MAP3K13: variants seen among roughly 807,000 people sequenced by gnomAD.
MAP3K13 encodes the protein leucine zipper-bearing kinase.
In MAP3K13, 52 loss-of-function variants were observed where a neutral mutation model predicts 104.0. The observed-to-expected ratio is 0.50, with a 90% CI of 0.40 to 0.63. MAP3K13 has a LOEUF of 0.63. MAP3K13 is among the 20% of genes least tolerant of loss of function. The probability of loss-of-function intolerance (pLI) is 0.00; values close to 1 mark genes in which losing one functional copy is unlikely to be tolerated. For synonymous variants in MAP3K13, 394 were observed against 442.2 expected (o/e 0.89, Z 1.37); for missense variants, 914 against 1,218.5 (o/e 0.75, Z 3.72).
rs866459435 is a variant in MAP3K13 at position 185,465,686 on chromosome 3, C to A, written c.1389-61C>A. On this transcript the variant is annotated intron_variant, in intron 8 of 13. Coordinates refer to ENST00000265026, the MANE Select transcript of MAP3K13 (RefSeq NM_004721.5). ...TCAATCATCCTGTTTCTTATTTCAT[C>A]AAGCGGACTTTTTTCTCCCGAAGTT... The A allele has an allele frequency of 8.1e-6, 9 of 1,104,476 alleles. No individual in the cohort carries two copies. The Middle Eastern group carries it at 1.4e-3, about 172-fold the overall frequency. The allele number at this position is 1,104,476 out of a possible 1,614,324, so 68.4% of individuals were successfully genotyped here.
intron 1 of MAP3K13, among the ~76,000 whole-genome samples, chr3:185,407,644 GT>G (rs1476059479): frequency 6.6e-6 from 1 of 152,068 alleles, no homozygotes; most frequent in Non-Finnish European, 1.5e-5. Context: ...TTCAGAGTGC[GT>G]TTTGCCAATT....
Position 185,418,378 on chromosome 3 carries a change from G to A in MAP3K13, c.-85-10119G>A. On this transcript the variant is annotated intron_variant, in intron 1 of 13. Coordinates refer to ENST00000265026, the MANE Select transcript of MAP3K13 (RefSeq NM_004721.5). The surrounding 1 kb of genome is among the most constrained non-coding windows in gnomAD (Gnocchi z 4.5). ...ATGACCTTTAGACATGACCAGTGCT[G>A]GTAGGGCTGAGGCAGCCAGGGCAGA... 2 of 1,603,582 alleles carry A rather than the reference G, an allele frequency of 1.2e-6. No individual in the cohort carries two copies. Among genetic ancestry groups the A allele is most frequent in the Non-Finnish European group, 8.5e-7 (1 of 1,172,220 alleles).
At chr3:185,402,120 AT>A (rs1411049800) in intron 1 of MAP3K13, among the ~76,000 whole-genome samples, 1 of 152,140 alleles carries the variant, frequency 6.6e-6, no homozygotes, top group Admixed American at 6.5e-5. Context: ...CTTTTCTGGC[AT>A]TTGGGGAATC....
intron 11 of MAP3K13, among the ~76,000 whole-genome samples, chr3:185,474,268 C>T (rs1717980409): frequency 6.6e-6 from 1 of 151,366 alleles, no homozygotes; most frequent in African/African-American, 2.4e-5. Flanking sequence ...GGAGGTTGCA[C>T]TGAGCCGAGA....
At chr3:185,454,813 T>TATATATATGAGATATATACATG (rs1716279463) in intron 7 of MAP3K13, among the ~76,000 whole-genome samples, 1 of 57,500 alleles carries the variant, frequency 1.7e-5, no homozygotes, top group Non-Finnish European at 3.4e-5. Context: ...ATATACATGA[T>TATATATATGAGATATATACATG]ATATATATGA....
chr3:185,286,737 C>G (rs550973770), intron 2 of MAP3K13, among the ~76,000 whole-genome samples: 1 of 152,234 alleles, frequency 6.6e-6, no homozygotes, highest in African/African-American at 2.4e-5. Flanking sequence ...ACATACAAAA[C>G]TTCTTCAAAC....
intron 2 of MAP3K13, among the ~76,000 whole-genome samples, chr3:185,311,943 G>A (rs1374593301): frequency 6.6e-6 from 1 of 152,178 alleles, no homozygotes; most frequent in African/African-American, 2.4e-5. Context: ...AGGGCTTCAC[G>A]TATCAACATA....
intron 1 of MAP3K13, among the ~76,000 whole-genome samples, chr3:185,378,315 C>G (rs1192321356): frequency 2.6e-5 from 4 of 152,120 alleles, no homozygotes; most frequent in Non-Finnish European, 5.9e-5. Flanking sequence ...TATAAAGCAT[C>G]TCAGGGTTGC....
At chr3:185,438,098 G>A (rs1233565558) in intron 3 of MAP3K13, among the ~76,000 whole-genome samples, 1 of 152,102 alleles carries the variant, frequency 6.6e-6, no homozygotes, top group Admixed American at 6.6e-5. Flanking sequence ...TTTGAGACCA[G>A]CCTGGGCAAT....
At chr3:185,312,055 T>A (rs951281481) in intron 2 of MAP3K13, among the ~76,000 whole-genome samples, 1 of 152,236 alleles carries the variant, frequency 6.6e-6, no homozygotes. Flanking sequence ...AGCCACTGTG[T>A]CTTTGGTATC....
At position 185,464,115 on chromosome 3, in the gene MAP3K13, C is replaced by T. The variant is rs949111275; in HGVS notation, c.1388+456C>T. On this transcript the variant is annotated intron_variant, in intron 8 of 13. Transcript: ENST00000265026. The stretch of plus-strand genomic sequence containing the variant: ...CCCGCCCAGCATGGCAAAACCCCAT[C>T]TCTACTAAAAATACAAAAAATTAGC... Among the ~76,000 whole-genome samples, 5 of 152,262 alleles carry T rather than the reference C, an allele frequency of 3.3e-5. No individual in the cohort carries two copies. In the South Asian group the frequency reaches 6.2e-4, roughly 19 times the overall value.
chr3:185,390,702 T>C (rs4687294), intron 1 of MAP3K13, among the ~76,000 whole-genome samples: 36,206 of 149,938 alleles, frequency 0.24, 4,891 homozygotes, highest in African/African-American at 0.37. Context: ...CAGCTCACTG[T>C]AACCTCTGCC....
chr3:185,290,125 GT>G (rs899997438), intron 2 of MAP3K13, among the ~76,000 whole-genome samples: 19 of 151,248 alleles, frequency 1.3e-4, no homozygotes, highest in African/African-American at 4.1e-4. Context: ...CTTGAATAAC[GT>G]TTTTTTTGGC....
intron 2 of MAP3K13, among the ~76,000 whole-genome samples, chr3:185,329,722 A>G (rs1722175178): frequency 6.6e-6 from 1 of 152,210 alleles, no homozygotes. Flanking sequence ...ACACATTGTT[A>G]CACAAACATA....
intron 1 of MAP3K13, among the ~76,000 whole-genome samples, chr3:185,371,736 C>A (rs1724172698): frequency 6.6e-6 from 1 of 152,154 alleles, no homozygotes; most frequent in Non-Finnish European, 1.5e-5. Context: ...GCCAGGACAG[C>A]CGTTTCCACC....
At position 185,487,107 on chromosome 3, in the gene MAP3K13, C is replaced by T. The variant is rs1718750693; in HGVS notation, c.*4651C>T. The T allele has an allele frequency of 6.6e-6, 1 of 152,124 alleles. No homozygotes were observed. 9.4% of individuals were successfully genotyped at this position (152,124 alleles called of 1,614,324 possible). On this transcript the variant is annotated 3_prime_UTR_variant, in exon 14 of 14. Coordinates refer to ENST00000265026, the MANE Select transcript of MAP3K13 (RefSeq NM_004721.5). ...TCATCATGCTAAATTATTCCCCTCT[C>T]CTTTTCTAAATAATAGATGTGCTTG...
intron 1 of MAP3K13, among the ~76,000 whole-genome samples, chr3:185,425,897 T>C (rs1714380120): frequency 6.6e-6 from 1 of 152,200 alleles, no homozygotes; most frequent in African/African-American, 2.4e-5. Flanking sequence ...CTTTGTCCCA[T>C]ATCTAACTAT....
At chr3:185,332,330 T>C (rs749792279) in intron 2 of MAP3K13, among the ~76,000 whole-genome samples, 1 of 152,206 alleles carries the variant, frequency 6.6e-6, no homozygotes, top group Non-Finnish European at 1.5e-5. Flanking sequence ...GGTTTCAGCA[T>C]AGTGTTTGTT....
chr3:185,322,000 G>T (rs1010530265), intron 2 of MAP3K13, among the ~76,000 whole-genome samples: 2 of 152,184 alleles, frequency 1.3e-5, no homozygotes, highest in Non-Finnish European at 1.5e-5. Context: ...TACGGAAATG[G>T]TAAGTCAATT....
Sources: gnomAD v4.1 joint callset for allele counts (sites outside exome capture counted in the v4.1 genomes callset) on GRCh38, gnomAD v4.1.1 for gene constraint, Gnocchi (gnomAD v3.1) non-coding constraint, MANE v1.5 for transcripts, NCBI Gene and HGNC (gene_info 2026-07-23, HGNC 2026-07-21) for gene names.